Variants in GSPT1 observed in about 807,000 individuals in gnomAD.
GSPT1 encodes G1 to S phase transition 1.
In GSPT1, 20 loss-of-function variants were observed where a neutral mutation model predicts 72.5. That is an observed-to-expected ratio of 0.28 (90% confidence interval 0.19 to 0.40). The LOEUF is 0.40. Among genes scored for constraint, GSPT1 ranks in the 10% least tolerant of loss-of-function variants. The pLI is 1.00. For missense variants in GSPT1, 580 were observed against 811.9 expected, an observed-to-expected ratio of 0.71 and a Z score of 3.47; for synonymous variants, 334 against 293.5, an observed-to-expected ratio of 1.14 and a Z score of -1.41.
intron 14 of GSPT1, 80 bp downstream of exon 14, chr16:11,875,681 T>A: frequency 1.1e-6 from 1 of 950,764 alleles, no homozygotes; most frequent in African/African-American, 1.6e-5. Context: ...TGTTGCAATG[T>A]GTACTGTACT....
Position 11,868,584 on chromosome 16 carries a change from G to C in GSPT1, c.*4535C>G, listed in dbSNP as rs2053944965. 6.6e-6 allele frequency: 1 copy of C among 152,070 alleles called. No individual in the cohort carries two copies. Among genetic ancestry groups the C allele is most frequent in the African/African-American group, 2.4e-5 (1 of 41,408 alleles). The allele number at this position is 152,070 out of a possible 1,614,324, so 9.4% of individuals were successfully genotyped here. A position where few individuals can be genotyped will look rare whatever the true frequency, so the allele number is the denominator to read the frequency against. ...ATGCATGTGGAGGAAATGGAGGTGA[G>C]AATAGTCACCTGAAGAGTGCAAGCG... On this transcript the variant is annotated 3_prime_UTR_variant, in exon 15 of 15. Coordinates refer to ENST00000434724, the MANE Select transcript of GSPT1 (RefSeq NM_002094.4).
intron 12 of GSPT1, 41 bp from the exon 13 acceptor site, chr16:11,876,216 G>C: frequency 8.2e-7 from 1 of 1,225,264 alleles, no homozygotes; most frequent in Non-Finnish European, 1.2e-6. Flanking sequence ...TAGCCTTAGG[G>C]TAAATAAGAA....
chr16:11,897,988 CATT>C lies in GSPT1; in HGVS notation c.394+3_394+5del, dbSNP rs1302309262. ...TCAAGTAGACTTTCAAAGAGTACAT[CATT>C]ACCTTCACACAATGACTGTTCCTCT... On this transcript the variant is annotated splice_donor_5th_base_variant and intron_variant, in intron 2 of 14. Coordinates refer to ENST00000434724, the MANE Select transcript of GSPT1 (RefSeq NM_002094.4). 3.2e-6 allele frequency: 5 copies of C among 1,544,510 alleles called. No individual in the cohort carries two copies. Among genetic ancestry groups the C allele is most frequent in the Non-Finnish European group, 4.4e-6 (5 of 1,138,176 alleles).
chr16:11,897,822 G>A lies in GSPT1; in HGVS notation c.436+18C>T. On this transcript the variant is annotated intron_variant, in intron 3 of 14. Transcript: ENST00000434724. The stretch of plus-strand genomic sequence containing the variant: ...GAGTTTCATATTACTGTATTAATAT[G>A]GTCAGAAATTTTCTTACCAATAGGT... 1.5e-6 allele frequency: 2 copies of A among 1,346,562 alleles called. No homozygotes were observed. The highest frequency in any genetic ancestry group is 1.2e-5 in the South Asian group (1 of 80,250). 83.4% of individuals were successfully genotyped at this position (1,346,562 alleles called of 1,614,324 possible). A position where few individuals can be genotyped will look rare whatever the true frequency, so the allele number is the denominator to read the frequency against.
chr16:11,870,274 TCC>T lies in GSPT1; in HGVS notation c.*2843_*2844del, dbSNP rs1262874604. 2 of 152,166 alleles carry T rather than the reference TCC, an allele frequency of 1.3e-5. No homozygotes were observed. The highest frequency in any genetic ancestry group is 6.6e-5 in the Admixed American group (1 of 15,260). The allele number at this position is 152,166 out of a possible 1,614,324, so 9.4% of individuals were successfully genotyped here. ...AAAAACAAGAAATGAGTGCTGTATT[TCC>T]CCCTCTCCCACAGTAAGAAACAAGG... On this transcript the variant is annotated 3_prime_UTR_variant, in exon 15 of 15. Coordinates refer to ENST00000434724, the MANE Select transcript of GSPT1 (RefSeq NM_002094.4).
chr16:11,915,694 G>A lies in GSPT1; in HGVS notation c.27C>T (p.Gly9=), dbSNP rs750409024. 2.9e-5 allele frequency: 43 copies of A among 1,488,060 alleles called. 1 individual carries two copies. In the Middle Eastern group the frequency reaches 7.6e-4, roughly 26 times the overall value. The allele number at this position is 1,488,060 out of a possible 1,614,324, so 92.2% of individuals were successfully genotyped here. A position where few individuals can be genotyped will look rare whatever the true frequency, so the allele number is the denominator to read the frequency against. Residue 9 remains glycine, a synonymous_variant, in exon 1 of 15, where the codon GGC becomes GGT. Coordinates refer to ENST00000434724, the MANE Select transcript of GSPT1 (RefSeq NM_002094.4). ...TGCTCCCGCCGCCGCCGCCGCCGCC[G>A]CCGCCGCCGCCACTGCCCGGATCCA... MDPGSGGG[G]GGGGGGGSSS...
At chr16:11,890,257 G>A (rs1410620574) in intron 6 of GSPT1, among the ~76,000 whole-genome samples, 4 of 152,100 alleles carry the variant, frequency 2.6e-5, no homozygotes, top group African/African-American at 9.7e-5. Context: ...ACTGTGCCAG[G>A]ACTAAAACTT....
chr16:11,878,771 T>G (rs1272950467), intron 11 of GSPT1, among the ~76,000 whole-genome samples: 1 of 152,044 alleles, frequency 6.6e-6, no homozygotes, highest in East Asian at 1.9e-4. Flanking sequence ...TGACATTTAC[T>G]ACATCAATAA....
At position 11,879,752 on chromosome 16, in the gene GSPT1, A is replaced by G. The variant is rs988497490; in HGVS notation, c.1429-2172T>C. Among the ~76,000 whole-genome samples, 78 of 150,702 alleles carry G rather than the reference A, an allele frequency of 5.2e-4. 1 individual carries two copies. Among genetic ancestry groups the G allele is most frequent in the Non-Finnish European group, 6.4e-4 (43 of 67,352 alleles). ...AGACTCCGTCTCAAAAAAAAAAAAA[A>G]AAACAAAACAAAAAACAAAAAACAA... On this transcript the variant is annotated intron_variant, in intron 11 of 14. Coordinates refer to ENST00000434724, the MANE Select transcript of GSPT1 (RefSeq NM_002094.4).
At chr16:11,873,595 G>A (rs369842763) in intron 14 of GSPT1, among the ~76,000 whole-genome samples, 1 of 151,866 alleles carries the variant, frequency 6.6e-6, no homozygotes, top group South Asian at 2.1e-4. Context: ...ACAGGCATGA[G>A]CCACTGCATA....
intron 11 of GSPT1, among the ~76,000 whole-genome samples, chr16:11,879,025 G>A (rs1034411968): frequency 4.0e-5 from 6 of 150,544 alleles, no homozygotes; most frequent in Non-Finnish European, 7.4e-5. Flanking sequence ...GCAGTGAGCC[G>A]AGATCGTGCC....
intron 7 of GSPT1, among the ~76,000 whole-genome samples, chr16:11,887,315 G>A (rs2054197378): frequency 6.6e-6 from 1 of 152,068 alleles, no homozygotes; most frequent in Non-Finnish European, 1.5e-5. Context: ...GGTGGGCTTG[G>A]CATTTAATGG....
chr16:11,875,217 A>G (rs1596454354), intron 14 of GSPT1, among the ~76,000 whole-genome samples: 1 of 147,638 alleles, frequency 6.8e-6, no homozygotes, highest in Non-Finnish European at 1.5e-5. Flanking sequence ...GGAAGAGGAA[A>G]GGGAAAGGGA....
intron 1 of GSPT1, chr16:11,904,205 A>G (rs1484958388): frequency 6.2e-6 from 1 of 161,704 alleles, no homozygotes; most frequent in African/African-American, 2.4e-5. Context: ...ATTTTATTTT[A>G]TTTTATTTTA....
chr16:11,875,081 C>T (rs193077269), intron 14 of GSPT1, among the ~76,000 whole-genome samples: 19 of 152,098 alleles, frequency 1.2e-4, no homozygotes, highest in East Asian at 3.9e-4. Flanking sequence ...CCCAGCTACT[C>T]GGGAGGCTGA....
chr16:11,877,937 G>T lies in GSPT1; in HGVS notation c.1429-357C>A, dbSNP rs920374840. On this transcript the variant is annotated intron_variant, in intron 11 of 14. Coordinates refer to ENST00000434724, the MANE Select transcript of GSPT1 (RefSeq NM_002094.4). This position sits in a 1 kb window ranked among gnomAD's most constrained non-coding sequence, Gnocchi z 4.0. The stretch of plus-strand genomic sequence containing the variant: ...AATTTTTATTATTATGGAATTCTAT[G>T]AAGGATTTAATAAACCTGTCTTCTA... 6.6e-6 allele frequency among the ~76,000 whole-genome samples: 1 copy of T among 152,086 alleles called. No individual in the cohort carries two copies. The highest frequency in any genetic ancestry group is 1.5e-5 in the Non-Finnish European group (1 of 68,018).
intron 1 of GSPT1, among the ~76,000 whole-genome samples, chr16:11,904,817 G>A (rs1293586824): frequency 1.3e-5 from 2 of 152,192 alleles, no homozygotes; most frequent in East Asian, 3.8e-4. Flanking sequence ...CGGGTGTAGT[G>A]GCTCATGCCT....
Position 11,878,870 on chromosome 16 carries a change from G to C in GSPT1, c.1429-1290C>G, listed in dbSNP as rs182708191. Among the ~76,000 whole-genome samples, 714 of 151,950 alleles carry C rather than the reference G, an allele frequency of 4.7e-3. 9 individuals are homozygous for C. Among genetic ancestry groups the C allele is most frequent in the African/African-American group, 0.016 (674 of 41,458 alleles). ...ACCTGAGATCAGGAGTTTGAGACCA[G>C]CCTGGCCAACATGGTGAAACCCTGT... On this transcript the variant is annotated intron_variant, in intron 11 of 14. Coordinates refer to ENST00000434724, the MANE Select transcript of GSPT1 (RefSeq NM_002094.4).
intron 1 of GSPT1, among the ~76,000 whole-genome samples, chr16:11,910,328 G>A (rs1430572139): frequency 6.6e-6 from 1 of 152,054 alleles, no homozygotes; most frequent in Admixed American, 6.6e-5. Context: ...CTCTCTGCAG[G>A]GCTCACTTAC....
Sources: gnomAD v4.1 joint callset for allele counts (sites outside exome capture counted in the v4.1 genomes callset) on GRCh38, gnomAD v4.1.1 for gene constraint, Gnocchi (gnomAD v3.1) non-coding constraint, MANE v1.5 for transcripts, NCBI Gene and HGNC (gene_info 2026-07-23, HGNC 2026-07-21) for gene names.